Variants in TCN1 observed in about 807,000 individuals in gnomAD.
TCN1 encodes transcobalamin-1.
TCN1 carries 47 observed loss-of-function variants against 46.3 expected under a neutral mutation model. The ratio of observed to expected loss-of-function variants is 1.01; its 90% confidence interval spans 0.80 to 1.29. The LOEUF (loss-of-function observed/expected upper bound fraction) is 1.29. Ranked by LOEUF, TCN1 falls within the 50% of genes most tolerant of loss-of-function variation. The pLI is 0.00. For synonymous variants in TCN1, 183 were observed against 192.5 expected, an observed-to-expected ratio of 0.95 and a Z score of 0.41; for missense variants, 532 against 511.0, an observed-to-expected ratio of 1.04 and a Z score of -0.40.
intron 4 of TCN1, among the ~76,000 whole-genome samples, chr11:59,860,946 C>T (rs551444409): frequency 6.6e-6 from 1 of 152,280 alleles, no homozygotes; most frequent in African/African-American, 2.4e-5. Flanking sequence ...TATCTGGATC[C>T]ATAGAGGCTA....
chr11:59,852,836 A>G lies in TCN1; in HGVS notation c.*139T>C, dbSNP rs2135103288. 1.2e-6 allele frequency: 1 copy of G among 807,092 alleles called. No homozygotes were observed. The highest frequency in any genetic ancestry group is 2.2e-6 in the Non-Finnish European group (1 of 458,334). 50.0% of individuals were successfully genotyped at this position (807,092 alleles called of 1,614,324 possible). On this transcript the variant is annotated 3_prime_UTR_variant, in exon 9 of 9. Transcript: ENST00000257264. ...AGTTGTTAATCTTTCAACAACTTTT[A>G]TTGAACATGTAGAGAGAGAAGGGGA...
Position 59,862,519 on chromosome 11 carries a change from T to C in TCN1, c.400+63A>G, listed in dbSNP as rs11230091. ...GGAAAGAGTGGAGGGAAACTTCATA[T>C]AGTTTTGAATCAGTGGAGGAGAAGA... On this transcript the variant is annotated intron_variant, in intron 3 of 8. Coordinates refer to ENST00000257264, the MANE Select transcript of TCN1 (RefSeq NM_001062.4). 4.0e-4 allele frequency: 633 copies of C among 1,582,438 alleles called. 1 individual carries two copies. The African/African-American group carries it at 7.6e-3, about 19-fold the overall frequency.
chr11:59,855,031 G>A (rs1221966933), intron 6 of TCN1, among the ~76,000 whole-genome samples, 196 bp from the exon 7 acceptor site: 1 of 152,174 alleles, frequency 6.6e-6, no homozygotes, highest in Non-Finnish European at 1.5e-5. Flanking sequence ...AAACTCACCA[G>A]CTTGTGAATG....
intron 1 of TCN1, among the ~76,000 whole-genome samples, chr11:59,865,684 A>G (rs1028209381): frequency 1.5e-4 from 23 of 152,156 alleles, no homozygotes; most frequent in African/African-American, 5.3e-4. Context: ...GTCTCCCCTC[A>G]TTATCCTTTA....
Position 59,864,827 on chromosome 11 carries a change from T to C in TCN1, c.80-741A>G, listed in dbSNP as rs1289157313. Among the ~76,000 whole-genome samples, 2 of 152,184 alleles carry C rather than the reference T, an allele frequency of 1.3e-5. 1 individual carries two copies. Among genetic ancestry groups the C allele is most frequent in the South Asian group, 4.1e-4 (2 of 4,832 alleles). On this transcript the variant is annotated intron_variant, in intron 1 of 8. Coordinates refer to ENST00000257264, the MANE Select transcript of TCN1 (RefSeq NM_001062.4). ...ACTTTGTCAATGTATTTTTCCATAA[T>C]CTTGAGGAGTAGCCCCAAATCCTAC...
chr11:59,858,860 C>T (rs1852983287), intron 5 of TCN1, among the ~76,000 whole-genome samples: 1 of 152,060 alleles, frequency 6.6e-6, no homozygotes, highest in Non-Finnish European at 1.5e-5. Flanking sequence ...ATCCCAGCTA[C>T]TCAGGAGGCT....
Position 59,864,000 on chromosome 11 carries a change from T to A in TCN1, c.166A>T (p.Asn56Tyr), listed in dbSNP as rs1333084564. The A allele has an allele frequency of 1.9e-6, 3 of 1,613,994 alleles. No individual in the cohort carries two copies. Among genetic ancestry groups the A allele is most frequent in the Admixed American group, 3.3e-5 (2 of 60,006 alleles). The change falls in exon 2 of 9, where the codon AAT becomes TAT. Residue 56 changes from asparagine (N) to tyrosine (Y), a missense_variant. Asn to Tyr is a moderately radical substitution (Grantham distance 143). Transcript: ENST00000257264. ...ACAAGTTTGAGGGACAACACAACAT[T>A]GACAGCGCTGGTTCCCCTGTTATAG... Reference protein sequence around the residue: ...SNYNRGTSAVNVVLSLKLVGI... With the variant: ...SNYNRGTSAVYVVLSLKLVGI...
Position 59,852,869 on chromosome 11 carries a change from A to G in TCN1, c.*106T>C. ...TGTAGAGAGAGAAGGGGAGGTTATT[A>G]ACTCTCCTGCTCGTACTGGGATAAA... On this transcript the variant is annotated 3_prime_UTR_variant, in exon 9 of 9. Transcript: ENST00000257264. The G allele has an allele frequency of 9.8e-7, 1 of 1,025,094 alleles. No individual in the cohort carries two copies. Among genetic ancestry groups the G allele is most frequent in the Non-Finnish European group, 1.6e-6 (1 of 644,282 alleles). 63.5% of individuals were successfully genotyped at this position (1,025,094 alleles called of 1,614,324 possible). A position where few individuals can be genotyped will look rare whatever the true frequency, so the allele number is the denominator to read the frequency against.
chr11:59,864,017 C>T lies in TCN1; in HGVS notation c.149G>A (p.Arg50Lys). 1.2e-6 allele frequency: 2 copies of T among 1,613,976 alleles called. No individual in the cohort carries two copies. The highest frequency in any genetic ancestry group is 1.7e-6 in the Non-Finnish European group (2 of 1,179,846). The change falls in exon 2 of 9, where the codon AGG (arginine) becomes AAG (lysine). Residue 50 changes from arginine to lysine, a missense_variant. Transcript: ENST00000257264. ...LNTMIQSNYN[R>K]GTSAVNVVLS... ...CACAACATTGACAGCGCTGGTTCCCCTGTTATAGTTTGACTGGATCATTGT... is the reference window on the plus strand; with the variant it reads ...CACAACATTGACAGCGCTGGTTCCCTTGTTATAGTTTGACTGGATCATTGT...
chr11:59,853,376 C>T (rs1201718738), intron 7 of TCN1, 55 bp from the exon 8 acceptor site: 1 of 1,481,434 alleles, frequency 6.8e-7, no homozygotes, highest in Admixed American at 1.7e-5. Context: ...AGGAAACCAA[C>T]AATAGGCATT....
rs1853027878 is a variant in TCN1 at position 59,862,642 on chromosome 11, A to G, written c.340T>C (p.Tyr114His). Residue 114 changes from tyrosine to histidine, a missense_variant, in exon 3 of 9, where the codon TAT becomes CAT. Transcript: ENST00000257264. ...VCRNAEENLIYDYHLIDKLEN... is the reference protein window; with the variant it reads ...VCRNAEENLIHDYHLIDKLEN... ...AGCTTGTCGATCAGGTGGTAATCAT[A>G]TATTAAGTTTTCCTCAGCGTTACGA... 1.2e-6 allele frequency: 2 copies of G among 1,613,654 alleles called. No homozygotes were observed. The highest frequency in any genetic ancestry group is 1.3e-5 in the African/African-American group (1 of 74,874).
chr11:59,866,235 C>T (rs1200642390), intron 1 of TCN1, among the ~76,000 whole-genome samples, 157 bp downstream of exon 1: 1 of 152,138 alleles, frequency 6.6e-6, no homozygotes, highest in Non-Finnish European at 1.5e-5. Context: ...TGAGACTTTC[C>T]TCACCATCTC....
chr11:59,859,167 A>C lies in TCN1; in HGVS notation c.657T>G (p.Ile219Met). Residue 219 changes from isoleucine (I) to methionine (M), a missense_variant, in exon 5 of 9, where the codon ATT becomes ATG. Ile to Met is a conservative substitution (Grantham distance 10). Transcript: ENST00000257264. ...TCTTTTCTACCAGTGACTTTGTATAAATACTGATGTTCTTTAAACTGCCTT... is the reference window on the plus strand; with the variant it reads ...TCTTTTCTACCAGTGACTTTGTATACATACTGATGTTCTTTAAACTGCCTT... ...ADEGSLKNISIYTKSLVEKIL... is the reference protein window; with the variant it reads ...ADEGSLKNISMYTKSLVEKIL... 1 of 1,613,996 alleles carries C rather than the reference A, an allele frequency of 6.2e-7. No homozygotes were observed. Among genetic ancestry groups the C allele is most frequent in the South Asian group, 1.1e-5 (1 of 91,078 alleles).
intron 5 of TCN1, 27 bp from the exon 6 acceptor site, chr11:59,856,085 G>GCC: frequency 1.7e-6 from 1 of 585,326 alleles, no homozygotes; most frequent in East Asian, 4.9e-5. Context: ...GGGTGGGGGG[G>GCC]TGATGAGAGA....
At chr11:59,854,515 G>T in intron 7 of TCN1, 137 bp downstream of exon 7, 1 of 858,834 alleles carries the variant, frequency 1.2e-6, no homozygotes, top group Non-Finnish European at 1.9e-6. Context: ...AACTCCTGCT[G>T]TGAGATGTAG....
intron 3 of TCN1, among the ~76,000 whole-genome samples, chr11:59,862,117 C>T (rs537350182): frequency 1.6e-4 from 25 of 152,304 alleles, no homozygotes; most frequent in African/African-American, 5.5e-4. Context: ...AAAAACAGTG[C>T]ACCTCACTAG....
rs183366355 is a variant in TCN1, at chr11:59,854,359, C to A, written c.1121+293G>T. 3.6e-4 allele frequency among the ~76,000 whole-genome samples: 54 copies of A among 151,894 alleles called. 3 individuals carry two copies. Among genetic ancestry groups the A allele is most frequent in the African/African-American group, 1.2e-3 (49 of 41,200 alleles). ...AGAGTTAAGAACCACTGTTCTAGAT[C>A]TCAAATGTTTGACTTTAGAAGTTAC... On this transcript the variant is annotated intron_variant, in intron 7 of 8. Coordinates refer to ENST00000257264, the MANE Select transcript of TCN1 (RefSeq NM_001062.4).
At position 59,861,820 on chromosome 11, in the gene TCN1, A is replaced by G. The variant is rs1386571809; in HGVS notation, c.401-138T>C. ...CTAATAGAAGGGGGAGGTCACCCAT[A>G]GAATCAGAAAACCTGAGAAATGTGA... is the stretch of plus-strand genomic sequence containing the variant. On this transcript the variant is annotated intron_variant, in intron 3 of 8. Coordinates refer to ENST00000257264, the MANE Select transcript of TCN1 (RefSeq NM_001062.4). 21 of 979,504 alleles carry G rather than the reference A, an allele frequency of 2.1e-5. No individual in the cohort carries two copies. The Admixed American group carries it at 4.5e-4, about 21-fold the overall frequency. 60.7% of individuals were successfully genotyped at this position (979,504 alleles called of 1,614,324 possible).
rs2135103837 is a variant in TCN1, at chr11:59,853,375, A to G, written c.1122-54T>C. The G allele has an allele frequency of 5.4e-6, 8 of 1,484,360 alleles. No homozygotes were observed. The South Asian group carries it at 6.8e-5, about 13-fold the overall frequency. The allele number at this position is 1,484,360 out of a possible 1,614,324, so 91.9% of individuals were successfully genotyped here. ...AACTTAGAATTGTCAAAGGAAACCA[A>G]CAATAGGCATTTCTCAAACTTTAAT... On this transcript the variant is annotated intron_variant, in intron 7 of 8. Coordinates refer to ENST00000257264, the MANE Select transcript of TCN1 (RefSeq NM_001062.4).
Sources: allele counts gnomAD v4.1 joint callset (sites outside exome capture counted in the v4.1 genomes callset), GRCh38; gene constraint gnomAD v4.1.1; transcripts MANE v1.5; gene names NCBI Gene and HGNC (gene_info 2026-07-23, HGNC 2026-07-21).